The following PITPNC1 variants were observed in gnomAD, a reference collection of about 807,000 sequenced individuals.
The protein encoded by PITPNC1 is cytoplasmic phosphatidylinositol transfer protein 1.
In PITPNC1, 18 loss-of-function variants were observed where a neutral mutation model predicts 44.7. That is an observed-to-expected ratio of 0.40 (90% confidence interval 0.28 to 0.60). The LOEUF is 0.60. Ranked by LOEUF, PITPNC1 falls within the 20% of genes least tolerant of loss-of-function variation. The pLI, the probability that PITPNC1 is intolerant of heterozygous loss-of-function variation, is 0.39. For missense variants in PITPNC1, 290 were observed against 418.4 expected, an observed-to-expected ratio of 0.69 and a Z score of 2.68; for synonymous variants, 141 against 149.6, an observed-to-expected ratio of 0.94 and a Z score of 0.42.
At chr17:67,629,036 G>A (rs1333782497) in intron 5 of PITPNC1, among the ~76,000 whole-genome samples, 2 of 152,144 alleles carry the variant, frequency 1.3e-5, no homozygotes, top group East Asian at 3.9e-4. Flanking sequence ...GCAATACTAT[G>A]AAAACTGCAA....
chr17:67,672,834 A>G (rs943232825), intron 7 of PITPNC1, among the ~76,000 whole-genome samples: 4 of 152,006 alleles, frequency 2.6e-5, no homozygotes, highest in Admixed American at 1.3e-4. Context: ...TGAGGCTAGC[A>G]TTTGCATGGG....
intron 1 of PITPNC1, among the ~76,000 whole-genome samples, chr17:67,427,221 A>T (rs1048897618): frequency 2.0e-5 from 3 of 151,646 alleles, no homozygotes; most frequent in Admixed American, 1.3e-4. Flanking sequence ...TTATTTATTT[A>T]TTTTTTTGAG....
rs775498982 is a variant in PITPNC1 at position 67,676,342 on chromosome 17, G to C, written c.682+800G>C. ...ACTATTGTTCTGGCTTTTTTTTCAT[G>C]ATCTGGGAAGAGTTAAACAATTTCT... On this transcript the variant is annotated intron_variant, in intron 8 of 8. Transcript: ENST00000581322. The surrounding 1 kb of genome is among the most constrained non-coding windows in gnomAD (Gnocchi z 4.0). 1.3e-5 allele frequency among the ~76,000 whole-genome samples: 2 copies of C among 151,742 alleles called. No individual in the cohort carries two copies. The highest frequency in any genetic ancestry group is 2.9e-5 in the Non-Finnish European group (2 of 67,926).
chr17:67,453,628 G>A (rs1374884271), intron 1 of PITPNC1, among the ~76,000 whole-genome samples: 1 of 152,204 alleles, frequency 6.6e-6, no homozygotes, highest in Non-Finnish European at 1.5e-5. Context: ...CATCAGCGAC[G>A]TTGTGGAGGT....
intron 5 of PITPNC1, among the ~76,000 whole-genome samples, chr17:67,625,338 C>A (rs939161014): frequency 2.6e-5 from 4 of 152,104 alleles, no homozygotes; most frequent in African/African-American, 9.7e-5. Context: ...CAGGTGCCCC[C>A]CTGTAAAGCT....
chr17:67,537,927 G>A (rs976389309), intron 2 of PITPNC1, among the ~76,000 whole-genome samples: 7 of 151,078 alleles, frequency 4.6e-5, no homozygotes, highest in Non-Finnish European at 8.8e-5. Flanking sequence ...ACCCAAGATC[G>A]CGCCAGTGCA....
chr17:67,411,342 C>T (rs1598629042), intron 1 of PITPNC1, among the ~76,000 whole-genome samples: 1 of 152,236 alleles, frequency 6.6e-6, no homozygotes, highest in South Asian at 2.1e-4. Context: ...GGCAAATCTA[C>T]AGCTTATAAA....
In PITPNC1 at chr17:67,557,974, G is replaced by A. The variant is rs894876370; in HGVS notation, c.294+4357G>A. On this transcript the variant is annotated intron_variant, in intron 4 of 8. Coordinates refer to ENST00000581322, the MANE Select transcript of PITPNC1 (RefSeq NM_012417.4). Reference sequence around the variant, plus strand: ...CTTCCTTTCCTCAGAGAGGCAGCCCGGAGGGCTCAGAAACCTCCAAACCAA... The same window carrying A: ...CTTCCTTTCCTCAGAGAGGCAGCCCAGAGGGCTCAGAAACCTCCAAACCAA... 4.6e-5 allele frequency among the ~76,000 whole-genome samples: 7 copies of A among 152,138 alleles called. 1 individual carries two copies. The highest frequency in any genetic ancestry group is 2.1e-4 in the South Asian group (1 of 4,830).
At position 67,389,288 on chromosome 17, in the gene PITPNC1, T is replaced by C. The variant is rs376771094; in HGVS notation, c.48+11086T>C. ...TCTCCGACTTGCTGTCTCTGACTTC[T>C]TGATTCTTTTCCAAAAGGGCTCACC... is the stretch of plus-strand genomic sequence containing the variant. On this transcript the variant is annotated intron_variant, in intron 1 of 8. Transcript: ENST00000581322. Among the ~76,000 whole-genome samples, 8 of 152,386 alleles carry C rather than the reference T, an allele frequency of 5.2e-5. No individual in the cohort carries two copies. In the East Asian group the frequency reaches 1.3e-3, roughly 26 times the overall value.
In PITPNC1 at chr17:67,388,102, T is replaced by C. The variant is rs180671838; in HGVS notation, c.48+9900T>C. Among the ~76,000 whole-genome samples the C allele has an allele frequency of 2.6e-5, 4 of 152,308 alleles. No individual in the cohort carries two copies. The East Asian group carries it at 7.7e-4, about 29-fold the overall frequency. ...AACTTTTTAAGGAACCCTGATCCTC[T>C]ATGTCCTCCTGTAAAAGGTTTAAAA... is the stretch of plus-strand genomic sequence containing the variant. On this transcript the variant is annotated intron_variant, in intron 1 of 8. Coordinates refer to ENST00000581322, the MANE Select transcript of PITPNC1 (RefSeq NM_012417.4).
At chr17:67,427,398 G>C (rs1428814532) in intron 1 of PITPNC1, among the ~76,000 whole-genome samples, 1 of 152,006 alleles carries the variant, frequency 6.6e-6, no homozygotes, top group Non-Finnish European at 1.5e-5. Flanking sequence ...ATTTTTAGTA[G>C]AGATGGGGTT....
At chr17:67,384,494 C>T (rs2038011432) in intron 1 of PITPNC1, among the ~76,000 whole-genome samples, 1 of 151,366 alleles carries the variant, frequency 6.6e-6, no homozygotes, top group Non-Finnish European at 1.5e-5. Flanking sequence ...GGCGCGATCT[C>T]GGCTCACTGC....
intron 1 of PITPNC1, among the ~76,000 whole-genome samples, chr17:67,398,790 G>T (rs962280869): frequency 1.3e-5 from 2 of 151,960 alleles, no homozygotes; most frequent in African/African-American, 4.8e-5. Flanking sequence ...ATTTTTCATT[G>T]CACGTCACAA....
intron 1 of PITPNC1, among the ~76,000 whole-genome samples, chr17:67,389,058 G>A (rs758954742): frequency 2.6e-5 from 4 of 152,226 alleles, no homozygotes; most frequent in African/African-American, 7.2e-5. Flanking sequence ...ACATCAAGGC[G>A]TCAGTCAGGC....
Position 67,395,742 on chromosome 17 carries a change from CTG to C in PITPNC1, c.48+17543_48+17544del, listed in dbSNP as rs912466432. 6.2e-4 allele frequency among the ~76,000 whole-genome samples: 94 copies of C among 152,220 alleles called. 1 individual carries two copies. Among genetic ancestry groups the C allele is most frequent in the African/African-American group, 2.2e-3 (93 of 41,544 alleles). The stretch of plus-strand genomic sequence containing the variant: ...TGGTTTTTCTCAATACTTAAAAACA[CTG>C]TGAAAATGAGATAGGTTTAAAGATA... On this transcript the variant is annotated intron_variant, in intron 1 of 8. Coordinates refer to ENST00000581322, the MANE Select transcript of PITPNC1 (RefSeq NM_012417.4).
chr17:67,408,388 G>T (rs2143836060), intron 1 of PITPNC1, among the ~76,000 whole-genome samples: 1 of 150,280 alleles, frequency 6.7e-6, no homozygotes, highest in East Asian at 2.0e-4. Context: ...AAATTAGCCA[G>T]GTGTGGTGGT....
chr17:67,589,823 C>A (rs987293891), intron 5 of PITPNC1, among the ~76,000 whole-genome samples: 2 of 152,042 alleles, frequency 1.3e-5, no homozygotes, highest in Non-Finnish European at 2.9e-5. Context: ...TAAAAAATAG[C>A]CAGACGTCAT....
At chr17:67,660,719 T>C (rs542321340) in intron 6 of PITPNC1, among the ~76,000 whole-genome samples, 57 of 151,576 alleles carry the variant, frequency 3.8e-4, no homozygotes, top group African/African-American at 1.3e-3. Flanking sequence ...CTAATTTTTG[T>C]AGTTTTAGTA....
intron 4 of PITPNC1, among the ~76,000 whole-genome samples, chr17:67,577,868 C>A (rs567248619): frequency 6.6e-6 from 1 of 152,060 alleles, no homozygotes; most frequent in East Asian, 1.9e-4. Flanking sequence ...CTGGAACTGG[C>A]GTGATTTAGG....
Sources: allele counts gnomAD v4.1 joint callset (sites outside exome capture counted in the v4.1 genomes callset), GRCh38; gene constraint gnomAD v4.1.1; non-coding constraint Gnocchi (gnomAD v3.1); transcripts MANE v1.5; gene names NCBI Gene and HGNC (gene_info 2026-07-23, HGNC 2026-07-21).